Variants in TBC1D16 observed in about 807,000 individuals in gnomAD.
TBC1D16 encodes the protein TBC1 domain family member 16.
TBC1D16 carries 58 observed loss-of-function variants against 74.7 expected under a neutral mutation model. The ratio of observed to expected loss-of-function variants is 0.78; its 90% CI spans 0.63 to 0.97. TBC1D16 has a LOEUF of 0.97. Among genes scored for constraint, TBC1D16 ranks in the 50% least tolerant of loss-of-function variants. The probability of loss-of-function intolerance (pLI) is 0.00; values close to 1 mark genes in which losing one functional copy is unlikely to be tolerated. For missense variants in TBC1D16, 1,014 were observed against 1,079.5 expected (o/e 0.94, Z 0.85); for synonymous variants, 493 against 474.7 (o/e 1.04, Z -0.50).
rs112829173 is a variant in TBC1D16 at position 79,946,203 on chromosome 17, T to A, written c.1729-1116A>T. Reference sequence around the variant, plus strand: ...GACCCGTTTCCTGGAAGACAATTTTTCCACGGACAAGGTAGTGCGAATGGT... The same window carrying A: ...GACCCGTTTCCTGGAAGACAATTTTACCACGGACAAGGTAGTGCGAATGGT... On this transcript the variant is annotated intron_variant, in intron 9 of 11. Coordinates refer to ENST00000310924, the MANE Select transcript of TBC1D16 (RefSeq NM_019020.4). 2.4e-3 allele frequency among the ~76,000 whole-genome samples: 369 copies of A among 152,366 alleles called. 1 individual carries two copies. Among genetic ancestry groups the A allele is most frequent in the African/African-American group, 8.1e-3 (337 of 41,594 alleles).
chr17:79,933,546 C>G lies in TBC1D16; in HGVS notation c.*7313G>C, dbSNP rs148613328. On this transcript the variant is annotated 3_prime_UTR_variant, in exon 12 of 12. Transcript: ENST00000310924. Reference sequence around the variant, plus strand: ...ACCCGTAATAATAACAGAGACCGCACTGGACTATGGGGGATCACAATGGGT... The same window carrying G: ...ACCCGTAATAATAACAGAGACCGCAGTGGACTATGGGGGATCACAATGGGT... 68 of 152,364 alleles carry G rather than the reference C, an allele frequency of 4.5e-4. No homozygotes were observed. The highest frequency in any genetic ancestry group is 1.5e-3 in the African/African-American group (63 of 41,552). 9.4% of individuals were successfully genotyped at this position (152,364 alleles called of 1,614,324 possible). A position where few individuals can be genotyped will look rare whatever the true frequency, so the allele number is the denominator to read the frequency against.
rs1302419259 is a variant in TBC1D16, at chr17:79,980,502, ACCCGCAGGC to A, written c.780-27693_780-27685del. On this transcript the variant is annotated intron_variant, in intron 3 of 11. Transcript: ENST00000310924. This position sits in a 1 kb window ranked among gnomAD's most constrained non-coding sequence, Gnocchi z 7.0. ...GGGTTTGTCCAGAAAAAGACACAGA[ACCCGCAGGC>A]CCTGGAGGACCCTGAAGATCACCAG... 6.6e-6 allele frequency among the ~76,000 whole-genome samples: 1 copy of A among 151,970 alleles called. No individual in the cohort carries two copies.
chr17:80,005,644 C>A (rs1308785299), intron 3 of TBC1D16, among the ~76,000 whole-genome samples: 1 of 152,192 alleles, frequency 6.6e-6, no homozygotes, highest in Non-Finnish European at 1.5e-5. Context: ...ACCCCATCCC[C>A]CAAGTCAGCC....
At chr17:79,970,443 A>G (rs970869025) in intron 3 of TBC1D16, among the ~76,000 whole-genome samples, 3 of 152,334 alleles carry the variant, frequency 2.0e-5, no homozygotes, top group Admixed American at 2.0e-4. Context: ...AAAGGTCACT[A>G]TGCACCCGCT....
chr17:79,976,787 G>A (rs947427655), intron 3 of TBC1D16, among the ~76,000 whole-genome samples: 10 of 152,252 alleles, frequency 6.6e-5, no homozygotes, highest in African/African-American at 2.2e-4. Context: ...AGCCTCTTCC[G>A]TTGACAGTGC....
At chr17:79,969,962 A>T (rs2034010246) in intron 3 of TBC1D16, among the ~76,000 whole-genome samples, 1 of 152,198 alleles carries the variant, frequency 6.6e-6, no homozygotes, top group African/African-American at 2.4e-5. Context: ...AAAGAAAAGA[A>T]AATAGATGTC....
Position 79,983,409 on chromosome 17 carries a change from G to A in TBC1D16, c.779+26751C>T, listed in dbSNP as rs139303160. Among the ~76,000 whole-genome samples the A allele has an allele frequency of 3.2e-3, 491 of 152,312 alleles. 1 individual carries two copies. Among genetic ancestry groups the A allele is most frequent in the African/African-American group, 0.011 (474 of 41,562 alleles). On this transcript the variant is annotated intron_variant, in intron 3 of 11. Transcript: ENST00000310924. This position sits in a 1 kb window ranked among gnomAD's most constrained non-coding sequence, Gnocchi z 5.6. ...CAAAGGTGTGCACAGAAGCTGTCAA[G>A]GTGACATCATTCACAGAGAAAAACC...
rs572472095 is a variant in TBC1D16 at position 79,974,751 on chromosome 17, G to A, written c.780-21933C>T. Among the ~76,000 whole-genome samples, 13 of 152,270 alleles carry A rather than the reference G, an allele frequency of 8.5e-5. No individual in the cohort carries two copies. In the East Asian group the frequency reaches 2.5e-3, roughly 29 times the overall value. On this transcript the variant is annotated intron_variant, in intron 3 of 11. Coordinates refer to ENST00000310924, the MANE Select transcript of TBC1D16 (RefSeq NM_019020.4). ...CTCAGGCGTGGCACCCACACAGTAG[G>A]GCTAGCTAACCCTGGGGACCCAGCA...
Position 80,010,371 on chromosome 17 carries a change from C to G in TBC1D16, c.568G>C (p.Val190Leu). Residue 190 changes from valine (V) to leucine (L), a missense_variant, in exon 3 of 12, where the codon GTC (valine) becomes CTC (leucine). By Grantham distance (32) the Val-to-Leu change is conservative. Coordinates refer to ENST00000310924, the MANE Select transcript of TBC1D16 (RefSeq NM_019020.4). This position sits in a 1 kb window ranked among gnomAD's most constrained non-coding sequence, Gnocchi z 8.8. ...ACSPSGILSTVSPQDVTEEGR... is the reference protein window; with the variant it reads ...ACSPSGILSTLSPQDVTEEGR... ...TCCTCGGTGACATCCTGCGGACTGACCGTCGACAAGATCCCGGAGGGGCTG... is the reference window on the plus strand; with the variant it reads ...TCCTCGGTGACATCCTGCGGACTGAGCGTCGACAAGATCCCGGAGGGGCTG... The G allele has an allele frequency of 1.9e-6, 3 of 1,612,286 alleles. No individual in the cohort carries two copies. The highest frequency in any genetic ancestry group is 2.5e-6 in the Non-Finnish European group (3 of 1,179,382).
chr17:80,020,206 G>C (rs912392302), intron 1 of TBC1D16, among the ~76,000 whole-genome samples: 1 of 149,694 alleles, frequency 6.7e-6, no homozygotes, highest in Non-Finnish European at 1.5e-5. Context: ...CTGTCAGAGA[G>C]ATTTCTATTG....
chr17:80,007,252 C>A lies in TBC1D16; in HGVS notation c.779+2908G>T, dbSNP rs1197025446. 6.6e-6 allele frequency among the ~76,000 whole-genome samples: 1 copy of A among 152,180 alleles called. No individual in the cohort carries two copies. The highest frequency in any genetic ancestry group is 6.5e-5 in the Admixed American group (1 of 15,282). On this transcript the variant is annotated intron_variant, in intron 3 of 11. Coordinates refer to ENST00000310924, the MANE Select transcript of TBC1D16 (RefSeq NM_019020.4). This position sits in a 1 kb window ranked among gnomAD's most constrained non-coding sequence, Gnocchi z 4.5. ...GCAGGGCCGGGCTGTGGTAAGCACC[C>A]CCCAGCACGGTCTCCGGGTGGGGAC...
In TBC1D16 at chr17:79,952,652, C is replaced by G. The variant is rs1002498480; in HGVS notation, c.941+5G>C. ...TCCCAGGAGGCGCCCAGAGATGCTT[C>G]CTACCTGAAGAAAAGGCGGAGGGAG... On this transcript the variant is annotated splice_donor_5th_base_variant and intron_variant, in intron 4 of 11. Coordinates refer to ENST00000310924, the MANE Select transcript of TBC1D16 (RefSeq NM_019020.4). 5 of 1,590,740 alleles carry G rather than the reference C, an allele frequency of 3.1e-6. No individual in the cohort carries two copies. Among genetic ancestry groups the G allele is most frequent in the Non-Finnish European group, 4.3e-6 (5 of 1,163,332 alleles).
At position 79,979,114 on chromosome 17, in the gene TBC1D16, G is replaced by A. The variant is rs1224787060; in HGVS notation, c.780-26296C>T. On this transcript the variant is annotated intron_variant, in intron 3 of 11. Transcript: ENST00000310924. The surrounding 1 kb of genome is among the most constrained non-coding windows in gnomAD (Gnocchi z 4.8). ...ACCAAAGCGCCCTCGTGGGCTCCAC[G>A]CTCTCAGCCTGTCCATCAGCAGCAC... Among the ~76,000 whole-genome samples, 1 of 152,178 alleles carries A rather than the reference G, an allele frequency of 6.6e-6. No individual in the cohort carries two copies. The highest frequency in any genetic ancestry group is 2.4e-5 in the African/African-American group (1 of 41,434).
intron 1 of TBC1D16, among the ~76,000 whole-genome samples, chr17:80,025,056 C>T (rs868141623): frequency 1.5e-3 from 175 of 114,008 alleles, no homozygotes; most frequent in South Asian, 3.5e-3. Context: ...CAACCAGGCA[C>T]ACACACTATG....
intron 3 of TBC1D16, among the ~76,000 whole-genome samples, chr17:79,965,240 C>G (rs1421219210): frequency 6.6e-6 from 1 of 151,878 alleles, no homozygotes; most frequent in Admixed American, 6.6e-5. Flanking sequence ...CCACCACGCC[C>G]GGCTAATTTT....
At chr17:79,948,808 C>T in intron 8 of TBC1D16, 64 bp downstream of exon 8, 2 of 1,607,048 alleles carry the variant, frequency 1.2e-6, no homozygotes, top group Non-Finnish European at 1.7e-6. Flanking sequence ...ATCCACTTCC[C>T]AGAGCGGTCA....
At chr17:79,945,242 G>A (rs890993634) in intron 9 of TBC1D16, among the ~76,000 whole-genome samples, 155 bp from the exon 10 acceptor site, 7 of 152,248 alleles carry the variant, frequency 4.6e-5, no homozygotes, top group African/African-American at 1.7e-4. Context: ...CCCCCCCAAC[G>A]CTCCATTCCG....
Position 79,987,345 on chromosome 17 carries a change from C to T in TBC1D16, c.779+22815G>A, listed in dbSNP as rs949828672. 6.6e-6 allele frequency among the ~76,000 whole-genome samples: 1 copy of T among 152,042 alleles called. No homozygotes were observed. Among genetic ancestry groups the T allele is most frequent in the Admixed American group, 6.5e-5 (1 of 15,276 alleles). ...AACCTCCGCTTCCACCTCTTGGGCTCAAGCGATCCTCCCACTTCAGCCTCC... is the reference window on the plus strand; with the variant it reads ...AACCTCCGCTTCCACCTCTTGGGCTTAAGCGATCCTCCCACTTCAGCCTCC... On this transcript the variant is annotated intron_variant, in intron 3 of 11. Transcript: ENST00000310924. The surrounding 1 kb of genome is among the most constrained non-coding windows in gnomAD (Gnocchi z 5.2).
At chr17:79,992,664 C>T (rs931274203) in intron 3 of TBC1D16, 3 of 152,286 alleles carry the variant, frequency 2.0e-5, no homozygotes, top group Non-Finnish European at 4.4e-5. Context: ...CGCCTCTCCT[C>T]TCCCTGTCCC....
Sources: allele counts gnomAD v4.1 joint callset (sites outside exome capture counted in the v4.1 genomes callset), GRCh38; gene constraint gnomAD v4.1.1; non-coding constraint Gnocchi (gnomAD v3.1); transcripts MANE v1.5; gene names NCBI Gene and HGNC (gene_info 2026-07-23, HGNC 2026-07-21).